Variants in HS6ST3 observed in about 807,000 individuals in gnomAD.
The protein encoded by HS6ST3 is heparan-sulfate 6-O-sulfotransferase 3.
Under a neutral mutation model 36.7 loss-of-function variants are expected in HS6ST3, and 12 were observed. The ratio of observed to expected loss-of-function variants is 0.33; its 90% CI spans 0.21 to 0.53. The LOEUF is 0.53. HS6ST3 is among the 20% of genes least tolerant of loss of function. The pLI, the probability that HS6ST3 is intolerant of heterozygous loss-of-function variation, is 0.95. For missense variants in HS6ST3, 584 were observed against 640.9 expected (o/e 0.91, Z 0.96); for synonymous variants, 240 against 257.5 (o/e 0.93, Z 0.65).
intron 1 of HS6ST3, among the ~76,000 whole-genome samples, chr13:96,215,807 A>G (rs891788503): frequency 6.6e-6 from 1 of 152,142 alleles, no homozygotes; most frequent in African/African-American, 2.4e-5. Context: ...CTGGCTTTGT[A>G]TAGTTGGACA....
At chr13:96,622,094 T>C (rs542417219) in intron 1 of HS6ST3, among the ~76,000 whole-genome samples, 1 of 152,240 alleles carries the variant, frequency 6.6e-6, no homozygotes, top group African/African-American at 2.4e-5. Context: ...GAATGTTGTG[T>C]CCAGAAACCC....
chr13:96,797,006 A>C (rs1220970758), intron 1 of HS6ST3, among the ~76,000 whole-genome samples: 1 of 152,122 alleles, frequency 6.6e-6, no homozygotes, highest in African/African-American at 2.4e-5. Flanking sequence ...GGCTGAGGAC[A>C]TCTGCCACCT....
rs184794438 is a variant in HS6ST3, at chr13:96,392,075, A to G, written c.707+300506A>G. 3.9e-5 allele frequency among the ~76,000 whole-genome samples: 6 copies of G among 152,088 alleles called. No homozygotes were observed. In the East Asian group the frequency reaches 1.2e-3, roughly 29 times the overall value. ...CTCTGCTGTAGCAGCTGCTTTTCCA[A>G]CTCTGTCCATTCCCTTCCCTTCTCC... is the stretch of plus-strand genomic sequence containing the variant. On this transcript the variant is annotated intron_variant, in intron 1 of 1. Transcript: ENST00000376705.
intron 1 of HS6ST3, among the ~76,000 whole-genome samples, chr13:96,661,413 G>T (rs1409419905): frequency 6.6e-6 from 1 of 151,966 alleles, no homozygotes; most frequent in East Asian, 1.9e-4. Flanking sequence ...GTTAAAGGTT[G>T]TCTTATCTGA....
intron 1 of HS6ST3, among the ~76,000 whole-genome samples, chr13:96,470,666 C>T (rs2055836225): frequency 1.3e-5 from 2 of 152,246 alleles, no homozygotes; most frequent in South Asian, 2.1e-4. Context: ...TCTGTTTTCC[C>T]ACTCAGCTCT....
At chr13:96,577,756 G>A (rs1594810857) in intron 1 of HS6ST3, among the ~76,000 whole-genome samples, 2 of 152,244 alleles carry the variant, frequency 1.3e-5, no homozygotes, top group East Asian at 3.9e-4. Context: ...ATCGTCACTG[G>A]TCATTAGAGA....
intron 1 of HS6ST3, among the ~76,000 whole-genome samples, chr13:96,546,313 CGT>C (rs745521094): frequency 1.5e-4 from 22 of 149,476 alleles, no homozygotes; most frequent in East Asian, 2.0e-4. Flanking sequence ...ATTACAGGGG[CGT>C]GTGTGTGTGT....
chr13:96,459,596 T>C (rs1407924239), intron 1 of HS6ST3, among the ~76,000 whole-genome samples: 1 of 152,202 alleles, frequency 6.6e-6, no homozygotes, highest in Admixed American at 6.5e-5. Context: ...TGTTGCTGTG[T>C]TGCAGTGTGT....
intron 1 of HS6ST3, among the ~76,000 whole-genome samples, chr13:96,214,617 G>A (rs535268423): frequency 6.6e-6 from 1 of 152,258 alleles, no homozygotes; most frequent in African/African-American, 2.4e-5. Flanking sequence ...CATAGTAGGT[G>A]TATATGGGAT....
At chr13:96,138,378 AATAT>A (rs971786499) in intron 1 of HS6ST3, among the ~76,000 whole-genome samples, 390 of 149,930 alleles carry the variant, frequency 2.6e-3, no homozygotes, top group Non-Finnish European at 4.6e-3. Context: ...AACATATATA[AATAT>A]ATATGTTTAC....
At chr13:96,319,614 G>C (rs1254045423) in intron 1 of HS6ST3, among the ~76,000 whole-genome samples, 1 of 152,164 alleles carries the variant, frequency 6.6e-6, no homozygotes, top group East Asian at 1.9e-4. Flanking sequence ...CCCATCAGCA[G>C]TGTGTGAGAG....
Position 96,507,670 on chromosome 13 carries a change from TAAC to T in HS6ST3, c.708-324818_708-324816del, listed in dbSNP as rs559205493. 9.9e-5 allele frequency among the ~76,000 whole-genome samples: 15 copies of T among 152,134 alleles called. No homozygotes were observed. In the East Asian group the frequency reaches 1.9e-3, roughly 20 times the overall value. On this transcript the variant is annotated intron_variant, in intron 1 of 1. Coordinates refer to ENST00000376705, the MANE Select transcript of HS6ST3 (RefSeq NM_153456.4). Reference sequence around the variant, plus strand: ...TTCTACTTTATTTTATTAATAATAATAACATTATTATCTCTCTAAAAAGGCTAC... The same window carrying T: ...TTCTACTTTATTTTATTAATAATAATATTATTATCTCTCTAAAAAGGCTAC...
chr13:96,832,789 T>C lies in HS6ST3; in HGVS notation c.1007T>C (p.Ile336Thr). The C allele has an allele frequency of 6.2e-7, 1 of 1,614,186 alleles. No homozygotes were observed. Among genetic ancestry groups the C allele is most frequent in the Non-Finnish European group, 8.5e-7 (1 of 1,180,026 alleles). Residue 336 changes from isoleucine (I) to threonine (T), a missense_variant, in exon 2 of 2, where the codon ATC becomes ACC. This residue lies in a region of HS6ST3 where 360 missense variants were observed against 411.3 expected (regional missense o/e 0.88). Transcript: ENST00000376705. ...TFMNESERNT[I>T]LLQSAKNNLK... is the part of the protein sequence containing the mutation. Reference sequence around the variant, plus strand: ...ATGAACGAGAGTGAAAGAAACACCATCCTGTTGCAGAGTGCAAAGAACAAC... The same window carrying C: ...ATGAACGAGAGTGAAAGAAACACCACCCTGTTGCAGAGTGCAAAGAACAAC...
intron 1 of HS6ST3, among the ~76,000 whole-genome samples, chr13:96,706,567 G>A (rs1273321243): frequency 6.6e-6 from 1 of 151,388 alleles, no homozygotes; most frequent in Non-Finnish European, 1.5e-5. Context: ...GAAGACCGTG[G>A]GTCGTTTTAA....
At chr13:96,826,099 G>A (rs534527608) in intron 1 of HS6ST3, among the ~76,000 whole-genome samples, 2 of 152,156 alleles carry the variant, frequency 1.3e-5, no homozygotes, top group Non-Finnish European at 2.9e-5. Flanking sequence ...AAACAGTAGG[G>A]AAGAAAACCA....
Position 96,090,990 on chromosome 13 carries a change from CG to C in HS6ST3, c.133del (p.Glu45ArgfsTer87). On this transcript the variant is annotated frameshift_variant, in exon 1 of 2. Transcript: ENST00000376705. LOFTEE classifies it high-confidence loss of function. ...SCTNFGEQPR[A>X]GEAGPPAVPG... The stretch of plus-strand genomic sequence containing the variant: ...ACCAACTTCGGGGAGCAGCCCCGCG[CG>C]GGGGAGGCCGGCCCGCCCGCCGTCC... The C allele has an allele frequency of 1.5e-6, 2 of 1,328,504 alleles. No individual in the cohort carries two copies. Among genetic ancestry groups the C allele is most frequent in the Non-Finnish European group, 9.7e-7 (1 of 1,031,858 alleles). The allele number at this position is 1,328,504 out of a possible 1,614,324, so 82.3% of individuals were successfully genotyped here.
chr13:96,597,786 T>C (rs551675288), intron 1 of HS6ST3, among the ~76,000 whole-genome samples: 1 of 152,272 alleles, frequency 6.6e-6, no homozygotes, highest in Non-Finnish European at 1.5e-5. Context: ...AGTTTTCTTC[T>C]AGAATTTTTA....
chr13:96,318,086 A>T (rs920630304), intron 1 of HS6ST3, among the ~76,000 whole-genome samples: 1 of 152,094 alleles, frequency 6.6e-6, no homozygotes, highest in East Asian at 1.9e-4. Flanking sequence ...TGTTCTTATT[A>T]CAATTGCTTT....
chr13:96,330,011 C>G (rs866491679), intron 1 of HS6ST3, among the ~76,000 whole-genome samples: 4 of 150,648 alleles, frequency 2.7e-5, no homozygotes, highest in Admixed American at 6.6e-5. Context: ...CAACCCCTGC[C>G]TTTTTTTGTT....
Sources: allele counts gnomAD v4.1 joint callset (sites outside exome capture counted in the v4.1 genomes callset), GRCh38; gene constraint gnomAD v4.1.1; regional missense constraint gnomAD v4.1.1; transcripts MANE v1.5; gene names NCBI Gene and HGNC (gene_info 2026-07-23, HGNC 2026-07-21).